The following SORCS2 variants were observed in gnomAD, a reference collection of about 807,000 sequenced individuals.
SORCS2 encodes the protein VPS10 domain-containing receptor SorCS2.
In SORCS2, 100 loss-of-function variants were observed where a neutral mutation model predicts 141.6. The ratio of observed to expected loss-of-function variants is 0.71; its 90% confidence interval spans 0.60 to 0.83. The LOEUF is 0.83. Among genes scored for constraint, SORCS2 ranks in the 40% least tolerant of loss-of-function variants. SORCS2 has a pLI of 0.00. For missense variants in SORCS2, 1,646 were observed against 1,560.2 expected (o/e 1.05, Z -0.93); for synonymous variants, 789 against 676.9 (o/e 1.17, Z -2.57).
chr4:7,372,314 T>C (rs902140465), intron 1 of SORCS2, among the ~76,000 whole-genome samples: 1 of 152,180 alleles, frequency 6.6e-6, no homozygotes, highest in African/African-American at 2.4e-5. Context: ...TTTTTTTTGT[T>C]TGTTTGTTTG....
At chr4:7,313,009 T>A (rs1258921468) in intron 1 of SORCS2, among the ~76,000 whole-genome samples, 1 of 152,256 alleles carries the variant, frequency 6.6e-6, no homozygotes, top group Non-Finnish European at 1.5e-5. Context: ...ACAGCATGTG[T>A]AGCTGGGCAG....
At chr4:7,349,344 A>G (rs1008792355) in intron 1 of SORCS2, among the ~76,000 whole-genome samples, 2 of 152,112 alleles carry the variant, frequency 1.3e-5, no homozygotes, top group African/African-American at 4.8e-5. Flanking sequence ...CTCATTGTAA[A>G]TATCTTGCTG....
intron 13 of SORCS2, among the ~76,000 whole-genome samples, chr4:7,703,742 G>A (rs1055604980): frequency 7.2e-5 from 11 of 152,190 alleles, no homozygotes; most frequent in Non-Finnish European, 8.8e-5. Flanking sequence ...GCTGAAGGCC[G>A]TCGTGGGGAA....
chr4:7,470,384 T>TCCAG (rs1729901096), intron 2 of SORCS2, among the ~76,000 whole-genome samples: 1 of 105,030 alleles, frequency 9.5e-6, no homozygotes, highest in African/African-American at 2.8e-5. Flanking sequence ...CATCCATCCA[T>TCCAG]CTATCCTTCC....
intron 1 of SORCS2, among the ~76,000 whole-genome samples, chr4:7,317,769 T>G (rs571022787): frequency 1.3e-5 from 2 of 152,276 alleles, no homozygotes; most frequent in South Asian, 4.1e-4. Flanking sequence ...CTCCCAGAAG[T>G]ACCATCTGAA....
At chr4:7,440,928 G>A (rs944617971) in intron 2 of SORCS2, among the ~76,000 whole-genome samples, 7 of 152,184 alleles carry the variant, frequency 4.6e-5, no homozygotes, top group African/African-American at 1.2e-4. Context: ...GGCTCTTTGC[G>A]GTGGAGAGAC....
intron 1 of SORCS2, among the ~76,000 whole-genome samples, chr4:7,250,114 C>G (rs1041733258): frequency 6.6e-6 from 1 of 152,182 alleles, no homozygotes; most frequent in Admixed American, 6.5e-5. Flanking sequence ...TGGTGGCATG[C>G]ACCTGTTGTC....
intron 1 of SORCS2, among the ~76,000 whole-genome samples, chr4:7,321,847 G>C (rs185448749): frequency 6.6e-6 from 1 of 152,338 alleles, no homozygotes; most frequent in Non-Finnish European, 1.5e-5. Context: ...GCCAGGGCCT[G>C]AGGATAGTTC....
At chr4:7,527,565 T>C (rs1733773989) in intron 2 of SORCS2, among the ~76,000 whole-genome samples, 1 of 152,160 alleles carries the variant, frequency 6.6e-6, no homozygotes, top group Non-Finnish European at 1.5e-5. Flanking sequence ...GCCTACACCT[T>C]GATTAGCCCT....
intron 1 of SORCS2, among the ~76,000 whole-genome samples, chr4:7,226,897 G>T (rs551653746): frequency 6.6e-6 from 1 of 152,204 alleles, no homozygotes; most frequent in Non-Finnish European, 1.5e-5. Context: ...GGGATCACAC[G>T]CACAAATTGA....
chr4:7,475,358 G>A (rs1406514869), intron 2 of SORCS2, among the ~76,000 whole-genome samples: 1 of 152,190 alleles, frequency 6.6e-6, no homozygotes, highest in Admixed American at 6.5e-5. Context: ...ACAAGGGTGA[G>A]GGGGCGAGCA....
At chr4:7,568,396 A>G (rs1426521171) in intron 3 of SORCS2, among the ~76,000 whole-genome samples, 2 of 152,268 alleles carry the variant, frequency 1.3e-5, no homozygotes, top group Admixed American at 1.3e-4. Context: ...CACATAAATC[A>G]AAAGGAAAAT....
intron 2 of SORCS2, among the ~76,000 whole-genome samples, chr4:7,442,958 G>C (rs1727771126): frequency 6.6e-6 from 1 of 152,124 alleles, no homozygotes; most frequent in South Asian, 2.1e-4. Context: ...AGGTTCTGGT[G>C]GGGGCCAGCA....
intron 1 of SORCS2, among the ~76,000 whole-genome samples, chr4:7,280,139 A>T (rs116444828): frequency 1.3e-3 from 198 of 152,236 alleles, no homozygotes; most frequent in African/African-American, 4.6e-3. Context: ...TTTCCTAAGG[A>T]CAAAAGAGTC....
At chr4:7,615,117 T>A (rs1158321020) in intron 3 of SORCS2, among the ~76,000 whole-genome samples, 1 of 152,236 alleles carries the variant, frequency 6.6e-6, no homozygotes, top group African/African-American at 2.4e-5. Flanking sequence ...TCCATTGTCC[T>A]CCATCTGTTC....
chr4:7,520,995 G>A (rs954399829), intron 2 of SORCS2, among the ~76,000 whole-genome samples: 1 of 152,248 alleles, frequency 6.6e-6, no homozygotes, highest in African/African-American at 2.4e-5. Context: ...CAAGCCTGGA[G>A]CCACTGCGTG....
chr4:7,308,596 T>G (rs1476346504), intron 1 of SORCS2, among the ~76,000 whole-genome samples: 2 of 152,090 alleles, frequency 1.3e-5, no homozygotes, highest in African/African-American at 4.8e-5. Flanking sequence ...GGAGTTGATA[T>G]TGCAGACATG....
rs567179868 is a variant in SORCS2 at position 7,255,657 on chromosome 4, G to A, written c.480+62531G>A. 1.2e-4 allele frequency among the ~76,000 whole-genome samples: 19 copies of A among 152,302 alleles called. 1 individual carries two copies. In the East Asian group the frequency reaches 2.3e-3, roughly 19 times the overall value. The stretch of plus-strand genomic sequence containing the variant: ...TTGGATCAGAGGTCAGGCGGGGGCC[G>A]GCTCCTGGGGAGCTTCTGCTCACAG... On this transcript the variant is annotated intron_variant, in intron 1 of 26. Transcript: ENST00000507866.
intron 1 of SORCS2, among the ~76,000 whole-genome samples, chr4:7,307,050 T>C (rs1026448292): frequency 6.6e-6 from 1 of 152,176 alleles, no homozygotes; most frequent in Non-Finnish European, 1.5e-5. Flanking sequence ...AGACATCCAG[T>C]TCTCAAGGGG....
Sources: gnomAD v4.1 joint callset for allele counts (sites outside exome capture counted in the v4.1 genomes callset) on GRCh38, gnomAD v4.1.1 for gene constraint, MANE v1.5 for transcripts, NCBI Gene and HGNC (gene_info 2026-07-23, HGNC 2026-07-21) for gene names.